The following SEC24C variants were observed in gnomAD, a reference collection of about 807,000 sequenced individuals.
The protein encoded by SEC24C is protein transport protein Sec24C.
A neutral mutation model predicts 117.0 loss-of-function variants in SEC24C; 22 were observed. The observed-to-expected ratio is 0.19, with a 90% CI of 0.13 to 0.27. SEC24C has a LOEUF of 0.27. Ranked by LOEUF, SEC24C falls within the 10% of genes least tolerant of loss-of-function variation. The pLI, the probability that SEC24C is intolerant of heterozygous loss-of-function variation, is 1.00. For synonymous variants in SEC24C, 506 were observed against 529.4 expected (o/e 0.96, Z 0.61); for missense variants, 1,155 against 1,375.1 (o/e 0.84, Z 2.53).
chr10:73,763,550 C>T lies in SEC24C; in HGVS notation c.1048C>T (p.Arg350Trp), dbSNP rs1393730870. The T allele has an allele frequency of 2.6e-5, 42 of 1,613,036 alleles. No individual in the cohort carries two copies. Among genetic ancestry groups the T allele is most frequent in the Non-Finnish European group, 3.4e-5 (40 of 1,179,636 alleles). ...RGTEPFVTGV[R>W]GQVPPLVTTN... Reference sequence around the variant, plus strand: ...TACAGAGCCATTTGTTACTGGAGTACGGGGCCAGGTGCCACCCTTAGTCAC... The same window carrying T: ...TACAGAGCCATTTGTTACTGGAGTATGGGGCCAGGTGCCACCCTTAGTCAC... The change falls in exon 7 of 23, where the codon CGG (arginine) becomes TGG (tryptophan). Residue 350 changes from arginine to tryptophan, a missense_variant. Arg to Trp is a moderately radical substitution (Grantham distance 101). Coordinates refer to ENST00000345254, the MANE Select transcript of SEC24C (RefSeq NM_198597.3).
intron 3 of SEC24C, among the ~76,000 whole-genome samples, chr10:73,758,623 C>T (rs1480142833): frequency 1.3e-5 from 2 of 152,178 alleles, no homozygotes; most frequent in African/African-American, 4.8e-5. Flanking sequence ...TAAAGATTTC[C>T]CTATTCTGGA....
In SEC24C at chr10:73,765,855, T is replaced by C. The variant is rs1323704071; in HGVS notation, c.1422T>C (p.Tyr474=). Residue 474 remains tyrosine (Y), a synonymous_variant, in exon 10 of 23, where the codon TAT becomes TAC. Transcript: ENST00000345254. ...LDHTGKRVDA[Y]DRPELSLGSY... ...ATACCGGCAAACGTGTGGATGCTTA[T>C]GACCGCCCTGAGCTATCCCTGGGCT... is the stretch of plus-strand genomic sequence containing the variant. 6.2e-7 allele frequency: 1 copy of C among 1,614,190 alleles called. No individual in the cohort carries two copies. The highest frequency in any genetic ancestry group is 8.5e-7 in the Non-Finnish European group (1 of 1,180,032).
intron 2 of SEC24C, among the ~76,000 whole-genome samples, chr10:73,747,237 C>T (rs1046743205): frequency 2.0e-5 from 3 of 152,158 alleles, no homozygotes; most frequent in Admixed American, 6.6e-5. Context: ...TGCTGGATTA[C>T]AGTGGCATGA....
intron 3 of SEC24C, among the ~76,000 whole-genome samples, chr10:73,756,447 AG>A (rs1194209116): frequency 6.6e-6 from 1 of 152,136 alleles, no homozygotes; most frequent in Non-Finnish European, 1.5e-5. Context: ...TGAAAAAAAA[AG>A]TTCTTGGGAC....
chr10:73,745,997 T>C (rs973760176), intron 1 of SEC24C, among the ~76,000 whole-genome samples: 9 of 150,558 alleles, frequency 6.0e-5, no homozygotes, highest in African/African-American at 2.2e-4. Context: ...CTGTCTCTAC[T>C]AAAAATACAA....
At chr10:73,765,615 G>C (rs199680015) in intron 9 of SEC24C, 26 bp downstream of exon 9, 4 of 1,608,812 alleles carry the variant, frequency 2.5e-6, no homozygotes, top group African/African-American at 1.3e-5. Flanking sequence ...CTGGGATTTG[G>C]GGGAAGGTCT....
intron 6 of SEC24C, among the ~76,000 whole-genome samples, chr10:73,761,866 T>C (rs1313127538): frequency 6.6e-6 from 1 of 152,096 alleles, no homozygotes; most frequent in Non-Finnish European, 1.5e-5. Context: ...TTGCCTCCTG[T>C]TTGCCCCTTT....
intron 2 of SEC24C, among the ~76,000 whole-genome samples, chr10:73,747,684 A>G (rs2082578685): frequency 1.7e-5 from 2 of 116,190 alleles, no homozygotes; most frequent in Non-Finnish European, 1.7e-5. Context: ...TTTGAGACAG[A>G]GTTTTACTCT....
rs1035427111 is a variant in SEC24C at position 73,771,206 on chromosome 10, G to C, written c.*111G>C. ...TATGTAAGCTGACCTCAGTCTCTCTGGGGGGAGGGGGAGATATAAGGAGAC... is the reference window on the plus strand; with the variant it reads ...TATGTAAGCTGACCTCAGTCTCTCTCGGGGGAGGGGGAGATATAAGGAGAC... On this transcript the variant is annotated 3_prime_UTR_variant, in exon 23 of 23. Transcript: ENST00000345254. 3 of 1,260,878 alleles carry C rather than the reference G, an allele frequency of 2.4e-6. No individual in the cohort carries two copies. Among genetic ancestry groups the C allele is most frequent in the South Asian group, 1.4e-5 (1 of 69,790 alleles). 78.1% of individuals were successfully genotyped at this position (1,260,878 alleles called of 1,614,324 possible). A position where few individuals can be genotyped will look rare whatever the true frequency, so the allele number is the denominator to read the frequency against.
At position 73,748,324 on chromosome 10, in the gene SEC24C, A is replaced by G. The variant is rs185675166; in HGVS notation, c.172+1320A>G. On this transcript the variant is annotated intron_variant, in intron 2 of 22. Transcript: ENST00000345254. ...CATTTTTTGTATTTTTAGTAGAGAC[A>G]GTGTTACACCATGTTGGCCAGGCTG... Among the ~76,000 whole-genome samples, 762 of 150,726 alleles carry G rather than the reference A, an allele frequency of 5.1e-3. 7 individuals carry two copies. Among genetic ancestry groups the G allele is most frequent in the African/African-American group, 0.017 (681 of 41,014 alleles).
intron 11 of SEC24C, 35 bp from the exon 12 acceptor site, chr10:73,766,315 G>T (rs750622952): frequency 6.3e-7 from 1 of 1,583,232 alleles, no homozygotes; most frequent in East Asian, 2.2e-5. Flanking sequence ...GGTGGAAAAG[G>T]TGGCAAGTCT....
chr10:73,753,959 GT>G (rs368785138), intron 3 of SEC24C, among the ~76,000 whole-genome samples: 25 of 147,130 alleles, frequency 1.7e-4, no homozygotes, highest in Middle Eastern at 6.9e-3. Flanking sequence ...ACATTATGAG[GT>G]TTTTTTTTTT....
chr10:73,746,675 G>A (rs189116578), intron 1 of SEC24C, 130 bp from the exon 2 acceptor site: 476 of 545,076 alleles, frequency 8.7e-4, no homozygotes, highest in Non-Finnish European at 1.2e-3. Flanking sequence ...CTAAGATCCT[G>A]TGGAAGTGTG....
chr10:73,766,748 CT>C lies in SEC24C; in HGVS notation c.1800-11del. The C allele has an allele frequency of 6.2e-7, 1 of 1,612,142 alleles. No homozygotes were observed. The highest frequency in any genetic ancestry group is 2.2e-5 in the East Asian group (1 of 44,880). ...AGCAATTTTGGTTGTTTTCCGTCAC[CT>C]ATCTCTTTAGCTTATTGGATCAGAT... On this transcript the variant is annotated splice_polypyrimidine_tract_variant and intron_variant, in intron 12 of 22. Transcript: ENST00000345254.
At chr10:73,750,023 G>A (rs566819743) in intron 2 of SEC24C, among the ~76,000 whole-genome samples, 54 of 152,310 alleles carry the variant, frequency 3.5e-4, no homozygotes, top group African/African-American at 1.3e-3. Flanking sequence ...GTAAGATTTG[G>A]GAAATAATGA....
chr10:73,762,175 A>AG (rs1347375525), intron 6 of SEC24C: 1 of 1,289,608 alleles, frequency 7.8e-7, no homozygotes, highest in Admixed American at 2.3e-5. Context: ...CAGTAAGTGC[A>AG]GGGGGTGGGT....
intron 10 of SEC24C, 24 bp downstream of exon 10, chr10:73,765,939 A>G (rs1345687086): frequency 6.3e-7 from 1 of 1,598,840 alleles, no homozygotes; most frequent in East Asian, 2.2e-5. Flanking sequence ...GCATGGGAGG[A>G]GCAGTGAGTG....
chr10:73,745,253 A>G (rs1321665727), intron 1 of SEC24C, among the ~76,000 whole-genome samples: 1 of 152,216 alleles, frequency 6.6e-6, no homozygotes, highest in East Asian at 1.9e-4. Context: ...CTGTTTAGAA[A>G]AGGCCCTCTA....
intron 1 of SEC24C, among the ~76,000 whole-genome samples, chr10:73,745,529 G>C (rs1389727057): frequency 6.8e-6 from 1 of 147,200 alleles, no homozygotes; most frequent in Non-Finnish European, 1.5e-5. Flanking sequence ...CTGTTACCTT[G>C]CTAGAGTTTT....
Sources: gnomAD v4.1 joint callset for allele counts (sites outside exome capture counted in the v4.1 genomes callset) on GRCh38, gnomAD v4.1.1 for gene constraint, MANE v1.5 for transcripts, NCBI Gene and HGNC (gene_info 2026-07-23, HGNC 2026-07-21) for gene names.